OLA1: variants seen among roughly 807,000 people sequenced by gnomAD.
OLA1 encodes obg-like ATPase 1.
A neutral mutation model predicts 48.4 loss-of-function variants in OLA1; 14 were observed. That is an observed-to-expected ratio of 0.29 (90% CI 0.19 to 0.45). The LOEUF (loss-of-function observed/expected upper bound fraction) is 0.45, where lower values mean the gene tolerates loss of function less well. OLA1 is among the 20% of genes least tolerant of loss of function. OLA1 has a pLI of 1.00. For missense variants in OLA1, 325 were observed against 467.1 expected, an observed-to-expected ratio of 0.70 and a Z score of 2.80; for synonymous variants, 127 against 150.4, an observed-to-expected ratio of 0.84 and a Z score of 1.14.
At chr2:174,119,956 AACAC>A (rs10592077) in intron 7 of OLA1, among the ~76,000 whole-genome samples, 89 of 149,390 alleles carry the variant, frequency 6.0e-4, no homozygotes, top group South Asian at 8.4e-4. Context: ...CACACACACA[AACAC>A]ACACACACAC....
chr2:174,169,076 G>T (rs1420096060), intron 4 of OLA1, among the ~76,000 whole-genome samples: 1 of 152,042 alleles, frequency 6.6e-6, no homozygotes, highest in Non-Finnish European at 1.5e-5. Flanking sequence ...CTCCCAAGTA[G>T]CTGGGATTAC....
At chr2:174,181,979 C>T (rs1687554158) in intron 4 of OLA1, among the ~76,000 whole-genome samples, 1 of 152,150 alleles carries the variant, frequency 6.6e-6, no homozygotes, top group Non-Finnish European at 1.5e-5. Context: ...TGTTCACTAT[C>T]ATATCCTTGA....
intron 7 of OLA1, among the ~76,000 whole-genome samples, chr2:174,114,239 G>A (rs1200200035): frequency 6.9e-6 from 1 of 144,498 alleles, no homozygotes; most frequent in African/African-American, 2.6e-5. Context: ...CTACTCGGAA[G>A]GCTGAGACAG....
At chr2:174,201,595 T>C (rs1187247475) in intron 4 of OLA1, among the ~76,000 whole-genome samples, 4 of 152,162 alleles carry the variant, frequency 2.6e-5, no homozygotes, top group African/African-American at 9.7e-5. Context: ...TCAAGCGATC[T>C]TCCTGCCACA....
In OLA1 at chr2:174,239,748, G is replaced by A. The variant is rs1255492213; in HGVS notation, c.101+6967C>T. On this transcript the variant is annotated intron_variant, in intron 2 of 10. Transcript: ENST00000284719. ...AAAAAAAAAAAAAAGTTAAAAATTA[G>A]CCTGACATAATAAAATGTGCCTGCA... Among the ~76,000 whole-genome samples, 8 of 146,242 alleles carry A rather than the reference G, an allele frequency of 5.5e-5. No homozygotes were observed. The Admixed American group carries it at 5.5e-4, about 10-fold the overall frequency.
rs1406612583 is a variant in OLA1 at position 174,141,702 on chromosome 2, G to A, written c.549+123C>T. 31 of 811,722 alleles carry A rather than the reference G, an allele frequency of 3.8e-5. 1 individual carries two copies. Among genetic ancestry groups the A allele is most frequent in the Non-Finnish European group, 2.4e-5 (13 of 532,052 alleles). 50.3% of individuals were successfully genotyped at this position (811,722 alleles called of 1,614,324 possible). ...AGTTCCTTAACAATTTTTTTTAACA[G>A]AAATAACCCTTGGCTTCTAAAATTC... On this transcript the variant is annotated intron_variant, in intron 5 of 10. Transcript: ENST00000284719.
chr2:174,152,449 C>T (rs1308511892), intron 4 of OLA1, among the ~76,000 whole-genome samples: 1 of 151,954 alleles, frequency 6.6e-6, no homozygotes, highest in Non-Finnish European at 1.5e-5. Flanking sequence ...AAGAGCATCT[C>T]AATTTATTAT....
In OLA1 at chr2:174,142,097, TAATA is replaced by T. The variant is rs997945561; in HGVS notation, c.374-101_374-98del. The T allele has an allele frequency of 2.2e-5, 24 of 1,070,236 alleles. No homozygotes were observed. In the African/African-American group the frequency reaches 3.3e-4, roughly 15 times the overall value. The allele number at this position is 1,070,236 out of a possible 1,614,324, so 66.3% of individuals were successfully genotyped here. ...TTCCTAGAAGGTTAACAAATAAATA[TAATA>T]AATAAATTACTCTGGCTTCTTGGCA... On this transcript the variant is annotated intron_variant, in intron 4 of 10. Transcript: ENST00000284719.
intron 4 of OLA1, among the ~76,000 whole-genome samples, chr2:174,221,222 G>C (rs1445519312): frequency 4.6e-5 from 7 of 151,862 alleles, no homozygotes; most frequent in Non-Finnish European, 1.0e-4. Flanking sequence ...TCTTTAGCCT[G>C]ACTTAAATAC....
chr2:174,161,578 C>T (rs1687013186), intron 4 of OLA1, among the ~76,000 whole-genome samples: 1 of 151,550 alleles, frequency 6.6e-6, no homozygotes, highest in Non-Finnish European at 1.5e-5. Context: ...GATGGGAGGA[C>T]TGCTTTAGCC....
At chr2:174,082,988 A>G (rs1315543899) in intron 7 of OLA1, among the ~76,000 whole-genome samples, 1 of 152,068 alleles carries the variant, frequency 6.6e-6, no homozygotes, top group Non-Finnish European at 1.5e-5. Flanking sequence ...AATAGTACAT[A>G]TTATATTGTA....
chr2:174,233,473 A>C (rs1559018388), intron 2 of OLA1, among the ~76,000 whole-genome samples: 1 of 152,182 alleles, frequency 6.6e-6, no homozygotes, highest in Non-Finnish European at 1.5e-5. Context: ...TCCTGGGTTC[A>C]AGCGATTCTC....
chr2:174,229,197 C>T, intron 3 of OLA1, 111 bp downstream of exon 3: 1 of 1,156,208 alleles, frequency 8.6e-7, no homozygotes, highest in Non-Finnish European at 1.2e-6. Flanking sequence ...TTATAATCAC[C>T]CAAAACAATA....
At chr2:174,217,572 C>T (rs1688390962) in intron 4 of OLA1, among the ~76,000 whole-genome samples, 1 of 152,060 alleles carries the variant, frequency 6.6e-6, no homozygotes, top group Non-Finnish European at 1.5e-5. Context: ...AAAAAGTGTA[C>T]AGTCAGATGT....
rs149003138 is a variant in OLA1, at chr2:174,175,202, T to A, written c.374-33202A>T. On this transcript the variant is annotated intron_variant, in intron 4 of 10. Coordinates refer to ENST00000284719, the MANE Select transcript of OLA1 (RefSeq NM_013341.5). Reference sequence around the variant, plus strand: ...CTGTAACACAGCGCTGGGTAAAGATTTCTGAACCGGACACAAAAAACACAA... The same window carrying A: ...CTGTAACACAGCGCTGGGTAAAGATATCTGAACCGGACACAAAAAACACAA... Among the ~76,000 whole-genome samples, 216 of 151,944 alleles carry A rather than the reference T, an allele frequency of 1.4e-3. 2 individuals carry two copies. Among genetic ancestry groups the A allele is most frequent in the African/African-American group, 4.0e-3 (165 of 41,502 alleles).
intron 7 of OLA1, among the ~76,000 whole-genome samples, chr2:174,115,913 A>G (rs1685770775): frequency 6.6e-6 from 1 of 152,232 alleles, no homozygotes; most frequent in Admixed American, 6.5e-5. Flanking sequence ...TGAGACTGTA[A>G]GTCTTCCAGG....
intron 4 of OLA1, among the ~76,000 whole-genome samples, chr2:174,180,222 A>G (rs931275396): frequency 6.6e-6 from 1 of 152,146 alleles, no homozygotes; most frequent in African/African-American, 2.4e-5. Context: ...TAAATATTAT[A>G]TTTATGTGGA....
intron 4 of OLA1, among the ~76,000 whole-genome samples, chr2:174,207,216 T>C (rs1163165515): frequency 6.6e-6 from 1 of 152,156 alleles, no homozygotes; most frequent in Non-Finnish European, 1.5e-5. Flanking sequence ...TACAATTCCA[T>C]ATAAACTAAA....
At chr2:174,116,021 A>G (rs1685772806) in intron 7 of OLA1, among the ~76,000 whole-genome samples, 1 of 152,224 alleles carries the variant, frequency 6.6e-6, no homozygotes, top group African/African-American at 2.4e-5. Flanking sequence ...GAAAAAGAAA[A>G]CAGTACCCAC....
Sources: gnomAD v4.1 joint callset for allele counts (sites outside exome capture counted in the v4.1 genomes callset) on GRCh38, gnomAD v4.1.1 for gene constraint, MANE v1.5 for transcripts, NCBI Gene and HGNC (gene_info 2026-07-23, HGNC 2026-07-21) for gene names.